PPM1H: variants seen among roughly 807,000 people sequenced by gnomAD.
PPM1H encodes the protein protein phosphatase, Mg2+/Mn2+ dependent 1H.
PPM1H carries 27 observed loss-of-function variants against 54.9 expected under a neutral mutation model. The observed-to-expected ratio is 0.49, with a 90% CI of 0.36 to 0.68. PPM1H has a LOEUF of 0.68. Among genes scored for constraint, PPM1H ranks in the 30% least tolerant of loss-of-function variants. PPM1H has a pLI of 0.00. For missense variants in PPM1H, 596 were observed against 667.8 expected (o/e 0.89, Z 1.19); for synonymous variants, 305 against 270.8 (o/e 1.13, Z -1.24).
In PPM1H at chr12:62,803,226, C is replaced by T. The variant is rs190040621; in HGVS notation, c.412-1066G>A. The stretch of plus-strand genomic sequence containing the variant: ...TCTTGCCTTACAGCTACATGCAACC[C>T]GTGTTCCCTCATCTACGTTGGGTTT... On this transcript the variant is annotated intron_variant, in intron 2 of 9. Transcript: ENST00000228705. 2.4e-4 allele frequency among the ~76,000 whole-genome samples: 36 copies of T among 152,284 alleles called. No homozygotes were observed. The South Asian group carries it at 2.7e-3, about 11-fold the overall frequency.
chr12:62,832,389 C>T, intron 1 of PPM1H, 110 bp from the exon 2 acceptor site: 1 of 995,448 alleles, frequency 1.0e-6, no homozygotes, highest in Non-Finnish European at 1.5e-6. Context: ...GAACTACAGC[C>T]CTGCTTAATG....
intron 3 of PPM1H, among the ~76,000 whole-genome samples, chr12:62,791,111 C>T (rs2076699000): frequency 6.6e-6 from 1 of 152,154 alleles, no homozygotes; most frequent in South Asian, 2.1e-4. Context: ...CTCCCCTTAC[C>T]TCTGCCTTAA....
At chr12:62,874,812 G>A (rs1184867433) in intron 1 of PPM1H, among the ~76,000 whole-genome samples, 4 of 152,184 alleles carry the variant, frequency 2.6e-5, no homozygotes, top group African/African-American at 7.2e-5. Flanking sequence ...TATAGCTTCC[G>A]TGCTTTATGT....
At chr12:62,681,010 G>A (rs887883220) in intron 8 of PPM1H, among the ~76,000 whole-genome samples, 1 of 152,128 alleles carries the variant, frequency 6.6e-6, no homozygotes, top group Non-Finnish European at 1.5e-5. Flanking sequence ...TCCCGCTCTG[G>A]GATTGGGAGA....
chr12:62,754,729 A>T (rs2076460873), intron 4 of PPM1H, among the ~76,000 whole-genome samples: 2 of 152,206 alleles, frequency 1.3e-5, no homozygotes, highest in Admixed American at 6.5e-5. Context: ...AAGAAATGTT[A>T]AGCCATAGTC....
At chr12:62,679,245 A>G (rs1377561284) in intron 8 of PPM1H, among the ~76,000 whole-genome samples, 1 of 152,194 alleles carries the variant, frequency 6.6e-6, no homozygotes, top group Non-Finnish European at 1.5e-5. Flanking sequence ...TCAGCCTCCC[A>G]AAGTGCTGGG....
chr12:62,814,408 G>A (rs1312903841), intron 2 of PPM1H, among the ~76,000 whole-genome samples: 1 of 151,486 alleles, frequency 6.6e-6, no homozygotes, highest in African/African-American at 2.4e-5. Flanking sequence ...TTGTAGAGAG[G>A]GTCTTGCTAT....
At chr12:62,664,530 CAAAAG>C in intron 9 of PPM1H, among the ~76,000 whole-genome samples, 1 of 152,264 alleles carries the variant, frequency 6.6e-6, no homozygotes, top group East Asian at 1.9e-4. Context: ...ATTAACTTCT[CAAAAG>C]AAGCATAGCA....
intron 4 of PPM1H, among the ~76,000 whole-genome samples, chr12:62,783,402 T>C (rs896768815): frequency 2.6e-5 from 4 of 152,226 alleles, no homozygotes; most frequent in African/African-American, 7.2e-5. Flanking sequence ...AAAATGTTAA[T>C]TAGAACTTCT....
Position 62,918,588 on chromosome 12 carries a change from A to C in PPM1H, c.245+15904T>G, listed in dbSNP as rs568099659. ...AAATAATGTCACAAGAAATATTAGG[A>C]AAGTCCATTTTGAGTATTTTTCCCA... On this transcript the variant is annotated intron_variant, in intron 1 of 9. Coordinates refer to ENST00000228705, the MANE Select transcript of PPM1H (RefSeq NM_020700.2). Among the ~76,000 whole-genome samples the C allele has an allele frequency of 2.6e-5, 4 of 152,338 alleles. No individual in the cohort carries two copies. The East Asian group carries it at 7.7e-4, about 29-fold the overall frequency.
Position 62,854,655 on chromosome 12 carries a change from G to C in PPM1H, c.246-22376C>G, listed in dbSNP as rs185676138. ...ATGTTACAGCACACTTATTTTTTAG[G>C]TAGATTCATCGTAAGTAATCGCCAT... On this transcript the variant is annotated intron_variant, in intron 1 of 9. Transcript: ENST00000228705. 1.7e-3 allele frequency among the ~76,000 whole-genome samples: 253 copies of C among 152,212 alleles called. 1 individual carries two copies. Among genetic ancestry groups the C allele is most frequent in the Non-Finnish European group, 3.1e-3 (213 of 68,008 alleles).
At chr12:62,716,696 T>TA (rs755117493) in intron 6 of PPM1H, among the ~76,000 whole-genome samples, 3 of 151,976 alleles carry the variant, frequency 2.0e-5, no homozygotes, top group African/African-American at 4.8e-5. Context: ...CTGGCTAATT[T>TA]AAAAAAAATT....
chr12:62,854,540 A>C (rs959023660), intron 1 of PPM1H, among the ~76,000 whole-genome samples: 3 of 152,192 alleles, frequency 2.0e-5, no homozygotes, highest in Non-Finnish European at 4.4e-5. Flanking sequence ...AAAAATGAGG[A>C]TAATTTAGTA....
At chr12:62,756,790 G>C (rs540759525) in intron 4 of PPM1H, among the ~76,000 whole-genome samples, 1 of 152,240 alleles carries the variant, frequency 6.6e-6, no homozygotes, top group African/African-American at 2.4e-5. Context: ...AGAACTGTGG[G>C]AGCAGCCTCT....
chr12:62,655,323 A>G (rs930306248), intron 9 of PPM1H, among the ~76,000 whole-genome samples: 3 of 152,152 alleles, frequency 2.0e-5, no homozygotes, highest in African/African-American at 4.8e-5. Flanking sequence ...AAATGCATGA[A>G]ATCCTTTGCT....
intron 1 of PPM1H, among the ~76,000 whole-genome samples, chr12:62,917,530 A>T (rs1324856714): frequency 6.6e-6 from 1 of 152,222 alleles, no homozygotes; most frequent in African/African-American, 2.4e-5. Flanking sequence ...AAGTGGAAGG[A>T]AAAGCTTGTC....
At chr12:62,834,394 A>G (rs538616722) in intron 1 of PPM1H, among the ~76,000 whole-genome samples, 4 of 152,230 alleles carry the variant, frequency 2.6e-5, no homozygotes, top group Non-Finnish European at 4.4e-5. Flanking sequence ...TTACTGCCTG[A>G]GCTAAGCAAC....
chr12:62,724,684 T>A (rs890233523), intron 5 of PPM1H, among the ~76,000 whole-genome samples: 2 of 152,172 alleles, frequency 1.3e-5, no homozygotes, highest in African/African-American at 2.4e-5. Flanking sequence ...CAAACATATA[T>A]GCCATTAGAC....
At chr12:62,786,467 G>T (rs1436700911) in intron 4 of PPM1H, among the ~76,000 whole-genome samples, 1 of 152,232 alleles carries the variant, frequency 6.6e-6, no homozygotes, top group African/African-American at 2.4e-5. Context: ...TCCTGCTGGG[G>T]TCAGCCGATG....
Sources: allele counts gnomAD v4.1 joint callset (sites outside exome capture counted in the v4.1 genomes callset), GRCh38; gene constraint gnomAD v4.1.1; transcripts MANE v1.5; gene names NCBI Gene and HGNC (gene_info 2026-07-23, HGNC 2026-07-21).